CPNE8: variants seen among roughly 807,000 people sequenced by gnomAD.
The protein encoded by CPNE8 is copine-8.
Under a neutral mutation model 81.5 loss-of-function variants are expected in CPNE8, and 45 were observed. The ratio of observed to expected loss-of-function variants is 0.55; its 90% CI spans 0.44 to 0.71. The LOEUF (loss-of-function observed/expected upper bound fraction) is 0.71. Ranked by LOEUF, CPNE8 falls within the 30% of genes least tolerant of loss-of-function variation. The pLI, the probability that CPNE8 is intolerant of heterozygous loss-of-function variation, is 0.00. For synonymous variants in CPNE8, 252 were observed against 226.3 expected, an observed-to-expected ratio of 1.11 and a Z score of -1.02; for missense variants, 594 against 672.1, an observed-to-expected ratio of 0.88 and a Z score of 1.28.
chr12:38,870,436 T>C (rs1373835609), intron 3 of CPNE8, among the ~76,000 whole-genome samples: 1 of 152,140 alleles, frequency 6.6e-6, no homozygotes, highest in East Asian at 1.9e-4. Context: ...ATGTGGCACA[T>C]ACACACCATG....
chr12:38,786,582 C>T (rs748401275), intron 6 of CPNE8, among the ~76,000 whole-genome samples: 23 of 151,918 alleles, frequency 1.5e-4, no homozygotes, highest in East Asian at 3.9e-4. Context: ...ACTTTGTGAT[C>T]GTGTGAGTTA....
chr12:38,727,491 TAAA>T (rs376919669), intron 11 of CPNE8, among the ~76,000 whole-genome samples: 1 of 151,928 alleles, frequency 6.6e-6, no homozygotes, highest in African/African-American at 2.4e-5. Flanking sequence ...AAACAAAACT[TAAA>T]AAAAATGTGT....
At chr12:38,689,210 T>C (rs1166472361) in intron 15 of CPNE8, among the ~76,000 whole-genome samples, 1 of 152,238 alleles carries the variant, frequency 6.6e-6, no homozygotes, top group Non-Finnish European at 1.5e-5. Flanking sequence ...ACATGTTAAC[T>C]TGTAGAACAC....
intron 11 of CPNE8, among the ~76,000 whole-genome samples, chr12:38,729,390 G>C (rs952738295): frequency 1.6e-4 from 25 of 151,924 alleles, no homozygotes; most frequent in African/African-American, 6.0e-4. Flanking sequence ...CTACTATATA[G>C]AGCACATATC....
intron 3 of CPNE8, among the ~76,000 whole-genome samples, chr12:38,851,473 C>T (rs1943645629): frequency 1.3e-5 from 2 of 152,208 alleles, no homozygotes; most frequent in Non-Finnish European, 2.9e-5. Flanking sequence ...TCATCAATCT[C>T]AAGTCTTTCT....
At chr12:38,821,120 A>G (rs991980453) in intron 6 of CPNE8, among the ~76,000 whole-genome samples, 1 of 152,238 alleles carries the variant, frequency 6.6e-6, no homozygotes, top group South Asian at 2.1e-4. Flanking sequence ...TGCATTTATG[A>G]TAAAGTTTAA....
intron 3 of CPNE8, among the ~76,000 whole-genome samples, chr12:38,872,516 T>C (rs1167367123): frequency 6.6e-6 from 1 of 152,234 alleles, no homozygotes; most frequent in Admixed American, 6.5e-5. Context: ...AGAAAATAAA[T>C]TAACAATTCA....
intron 10 of CPNE8, among the ~76,000 whole-genome samples, chr12:38,752,750 T>G (rs1453556430): frequency 6.6e-6 from 1 of 152,244 alleles, no homozygotes; most frequent in African/African-American, 2.4e-5. Context: ...TATCACCTTA[T>G]ACCAGAATTA....
At chr12:38,747,800 A>G (rs1322081259) in intron 10 of CPNE8, among the ~76,000 whole-genome samples, 6 of 152,122 alleles carry the variant, frequency 3.9e-5, no homozygotes, top group Non-Finnish European at 7.4e-5. Flanking sequence ...AATACTTCTG[A>G]TATCAATTTA....
chr12:38,666,088 AT>A (rs1412402236), intron 19 of CPNE8, among the ~76,000 whole-genome samples: 1 of 152,174 alleles, frequency 6.6e-6, no homozygotes, highest in Non-Finnish European at 1.5e-5. Context: ...TATACTTTTA[AT>A]GCACGTAAGA....
chr12:38,818,007 T>G (rs966381056), intron 6 of CPNE8, among the ~76,000 whole-genome samples: 3 of 152,126 alleles, frequency 2.0e-5, no homozygotes, highest in African/African-American at 7.2e-5. Flanking sequence ...TTGAACTTAG[T>G]TTTTTCAGAA....
intron 3 of CPNE8, among the ~76,000 whole-genome samples, chr12:38,860,836 G>T (rs1384829036): frequency 6.6e-6 from 1 of 152,136 alleles, no homozygotes; most frequent in Non-Finnish European, 1.5e-5. Context: ...GTCTGTCCGG[G>T]GTTGAAGGGA....
At chr12:38,899,300 C>T (rs898468208) in intron 1 of CPNE8, among the ~76,000 whole-genome samples, 3 of 152,036 alleles carry the variant, frequency 2.0e-5, no homozygotes, top group Non-Finnish European at 2.9e-5. Context: ...GAATACTGTC[C>T]TGATAAAAGG....
At chr12:38,765,212 A>G (rs1941663097) in intron 8 of CPNE8, among the ~76,000 whole-genome samples, 1 of 152,230 alleles carries the variant, frequency 6.6e-6, no homozygotes, top group African/African-American at 2.4e-5. Flanking sequence ...ACTCATAAAA[A>G]TTCTGCCAGG....
chr12:38,875,298 G>A (rs1014268011), intron 1 of CPNE8, among the ~76,000 whole-genome samples: 2 of 151,866 alleles, frequency 1.3e-5, no homozygotes, highest in African/African-American at 2.4e-5. Flanking sequence ...GATTCACAAG[G>A]CAGGAAATTA....
At chr12:38,793,962 A>T (rs1479660715) in intron 6 of CPNE8, among the ~76,000 whole-genome samples, 1 of 152,164 alleles carries the variant, frequency 6.6e-6, no homozygotes, top group African/African-American at 2.4e-5. Context: ...AGACTTCTTA[A>T]TAAGGAAAGA....
chr12:38,776,089 G>T, intron 7 of CPNE8, 149 bp downstream of exon 7: 1 of 348,690 alleles, frequency 2.9e-6, no homozygotes, highest in Non-Finnish European at 5.4e-6. Context: ...CTGGTCATAG[G>T]GCTAAGTACC....
intron 3 of CPNE8, among the ~76,000 whole-genome samples, chr12:38,849,427 T>A (rs1206782712): frequency 1.3e-5 from 2 of 152,164 alleles, no homozygotes; most frequent in African/African-American, 4.8e-5. Flanking sequence ...CCAACTCCCA[T>A]GGAATTCTAA....
chr12:38,683,866 A>G (rs966865695), intron 16 of CPNE8, among the ~76,000 whole-genome samples: 1 of 152,132 alleles, frequency 6.6e-6, no homozygotes, highest in Non-Finnish European at 1.5e-5. Flanking sequence ...AACTTACAAA[A>G]TGATAGATAA....
Sources: allele counts gnomAD v4.1 joint callset (sites outside exome capture counted in the v4.1 genomes callset), GRCh38; gene constraint gnomAD v4.1.1; transcripts MANE v1.5; gene names NCBI Gene and HGNC (gene_info 2026-07-23, HGNC 2026-07-21).